The following GRID1 variants were observed in gnomAD, a reference collection of about 807,000 sequenced individuals.
The protein encoded by GRID1 is glutamate receptor ionotropic, delta-1.
GRID1 carries 28 observed loss-of-function variants against 98.0 expected under a neutral mutation model. That is an observed-to-expected ratio of 0.29 (90% CI 0.21 to 0.39). The LOEUF (loss-of-function observed/expected upper bound fraction) is 0.39, where lower values mean the gene tolerates loss of function less well. Among genes scored for constraint, GRID1 ranks in the 10% least tolerant of loss-of-function variants. The probability of loss-of-function intolerance (pLI) is 1.00; values close to 1 mark genes in which losing one functional copy is unlikely to be tolerated. For missense variants in GRID1, 1,111 were observed against 1,340.5 expected (o/e 0.83, Z 2.67); for synonymous variants, 553 against 538.5 (o/e 1.03, Z -0.37).
chr10:85,892,590 G>A (rs1203269770), intron 5 of GRID1, among the ~76,000 whole-genome samples: 1 of 151,060 alleles, frequency 6.6e-6, no homozygotes, highest in Non-Finnish European at 1.5e-5. Context: ...TTTTATACAT[G>A]CAAAACTAAA....
At chr10:86,198,112 C>T (rs1016987629) in intron 3 of GRID1, among the ~76,000 whole-genome samples, 6 of 152,006 alleles carry the variant, frequency 3.9e-5, no homozygotes, top group African/African-American at 4.8e-5. Flanking sequence ...ACATTTGCCC[C>T]GATAATTCCC....
intron 8 of GRID1, among the ~76,000 whole-genome samples, chr10:85,820,228 C>T (rs1387060558): frequency 6.6e-6 from 1 of 150,742 alleles, no homozygotes; most frequent in Non-Finnish European, 1.5e-5. Flanking sequence ...TACAAAATAC[C>T]TGATAAATAC....
intron 8 of GRID1, among the ~76,000 whole-genome samples, chr10:85,805,791 C>T (rs985161449): frequency 1.3e-5 from 2 of 151,742 alleles, no homozygotes; most frequent in African/African-American, 4.8e-5. Flanking sequence ...TAAATAAATA[C>T]CTTGATACCT....
At chr10:85,877,872 A>G (rs935984543) in intron 5 of GRID1, among the ~76,000 whole-genome samples, 1 of 152,186 alleles carries the variant, frequency 6.6e-6, no homozygotes, top group African/African-American at 2.4e-5. Context: ...AGAAACTTCA[A>G]AAAAAATTAG....
rs151196703 is a variant in GRID1 at position 86,155,992 on chromosome 10, C to T, written c.521-16968G>A. 1.6e-4 allele frequency among the ~76,000 whole-genome samples: 24 copies of T among 152,262 alleles called. No homozygotes were observed. The East Asian group carries it at 2.9e-3, about 18-fold the overall frequency. ...CAGACATCCAAGGCAAGTTCCAGTCCGCAATCTGACCTTCCTAGCTGAGCA... is the reference window on the plus strand; with the variant it reads ...CAGACATCCAAGGCAAGTTCCAGTCTGCAATCTGACCTTCCTAGCTGAGCA... On this transcript the variant is annotated intron_variant, in intron 3 of 15. Coordinates refer to ENST00000327946, the MANE Select transcript of GRID1 (RefSeq NM_017551.3).
intron 3 of GRID1, among the ~76,000 whole-genome samples, chr10:86,200,688 T>G (rs1845937166): frequency 6.6e-6 from 1 of 152,180 alleles, no homozygotes; most frequent in African/African-American, 2.4e-5. Context: ...TTCTGTTCAC[T>G]AAGACAAACA....
chr10:85,722,928 T>C lies in GRID1; in HGVS notation c.1997+75A>G, dbSNP rs1476569221. ...CAGGGCTCTCTCCATCATACCACAC[T>C]GCCCTGGAAAGGTTTACATCCTCTT... On this transcript the variant is annotated intron_variant, in intron 12 of 15. Transcript: ENST00000327946. The C allele has an allele frequency of 3.0e-6, 4 of 1,320,668 alleles. No homozygotes were observed. In the East Asian group the frequency reaches 7.8e-5, roughly 26 times the overall value. 81.8% of individuals were successfully genotyped at this position (1,320,668 alleles called of 1,614,324 possible). A position where few individuals can be genotyped will look rare whatever the true frequency, so the allele number is the denominator to read the frequency against.
chr10:86,188,372 C>G (rs924301608), intron 3 of GRID1, among the ~76,000 whole-genome samples: 2 of 152,210 alleles, frequency 1.3e-5, no homozygotes, highest in Non-Finnish European at 2.9e-5. Flanking sequence ...CCCCAACAAA[C>G]CAGGCCAGAG....
At chr10:85,684,501 A>G (rs1356076809) in intron 12 of GRID1, among the ~76,000 whole-genome samples, 1 of 152,230 alleles carries the variant, frequency 6.6e-6, no homozygotes, top group Non-Finnish European at 1.5e-5. Context: ...TCATCTTCAC[A>G]GATATAGAAA....
intron 4 of GRID1, among the ~76,000 whole-genome samples, chr10:86,073,174 T>G (rs1389294190): frequency 2.0e-5 from 3 of 152,224 alleles, no homozygotes; most frequent in African/African-American, 4.8e-5. Context: ...TAAATTCTGA[T>G]TAAAATGATT....
At chr10:85,704,145 A>C (rs1440703581) in intron 12 of GRID1, among the ~76,000 whole-genome samples, 1 of 152,204 alleles carries the variant, frequency 6.6e-6, no homozygotes, top group Non-Finnish European at 1.5e-5. Context: ...AAATGGGCTA[A>C]ATGCTCCAAT....
At chr10:86,317,130 G>A (rs1229243923) in intron 2 of GRID1, among the ~76,000 whole-genome samples, 1 of 152,194 alleles carries the variant, frequency 6.6e-6, no homozygotes, top group East Asian at 1.9e-4. Flanking sequence ...GCAGAAGGCA[G>A]AACTCCCCCC....
intron 5 of GRID1, among the ~76,000 whole-genome samples, chr10:85,871,531 A>C (rs1270702541): frequency 6.6e-6 from 1 of 152,228 alleles, no homozygotes; most frequent in Non-Finnish European, 1.5e-5. Flanking sequence ...TTACAAGACA[A>C]AATTTTAACT....
At chr10:86,120,815 G>A (rs1014940402) in intron 4 of GRID1, among the ~76,000 whole-genome samples, 1 of 152,152 alleles carries the variant, frequency 6.6e-6, no homozygotes, top group Non-Finnish European at 1.5e-5. Flanking sequence ...AGTTTTTGAT[G>A]AGAAGTGCCT....
chr10:85,994,846 C>T (rs1205640038), intron 4 of GRID1, among the ~76,000 whole-genome samples: 1 of 152,320 alleles, frequency 6.6e-6, no homozygotes, highest in East Asian at 1.9e-4. Context: ...TTGAAGCAAT[C>T]AAAAGCACCT....
At chr10:85,995,030 A>G (rs1842724192) in intron 4 of GRID1, among the ~76,000 whole-genome samples, 1 of 152,150 alleles carries the variant, frequency 6.6e-6, no homozygotes, top group African/African-American at 2.4e-5. Flanking sequence ...CACATAGTTG[A>G]GTTTTATGTT....
intron 8 of GRID1, among the ~76,000 whole-genome samples, chr10:85,769,793 G>A (rs1456229943): frequency 6.6e-6 from 1 of 152,242 alleles, no homozygotes; most frequent in African/African-American, 2.4e-5. Flanking sequence ...CCATTGCCCA[G>A]GCTTGCTTAG....
intron 5 of GRID1, among the ~76,000 whole-genome samples, chr10:85,888,086 A>T (rs1266388059): frequency 1.3e-5 from 2 of 152,230 alleles, no homozygotes; most frequent in Admixed American, 1.3e-4. Context: ...TTGCCAGGAC[A>T]TCAAAACAGG....
intron 8 of GRID1, among the ~76,000 whole-genome samples, chr10:85,822,325 T>A (rs1213972570): frequency 6.6e-6 from 1 of 151,978 alleles, no homozygotes; most frequent in Non-Finnish European, 1.5e-5. Flanking sequence ...TACAAAGAAC[T>A]CAAACAAATT....
Sources: gnomAD v4.1 joint callset for allele counts (sites outside exome capture counted in the v4.1 genomes callset) on GRCh38, gnomAD v4.1.1 for gene constraint, MANE v1.5 for transcripts, NCBI Gene and HGNC (gene_info 2026-07-23, HGNC 2026-07-21) for gene names.